The following PRICKLE3 variants were observed in gnomAD, a reference collection of about 807,000 sequenced individuals.
PRICKLE3 encodes prickle planar cell polarity protein 3.
In PRICKLE3, 17 loss-of-function variants were observed where a neutral mutation model predicts 33.8. The observed-to-expected ratio is 0.50, with a 90% CI of 0.34 to 0.75. The LOEUF (loss-of-function observed/expected upper bound fraction) is 0.75. PRICKLE3 is among the 30% of genes least tolerant of loss of function. The pLI, the probability that PRICKLE3 is intolerant of heterozygous loss-of-function variation, is 0.01. For missense variants in PRICKLE3, 573 were observed against 576.7 expected (o/e 0.99, Z 0.07); for synonymous variants, 211 against 219.6 (o/e 0.96, Z 0.34).
chrX:49,178,054 G>A lies in PRICKLE3; in HGVS notation c.894C>T (p.His298=). 8.6e-7 allele frequency: 1 copy of A among 1,161,638 alleles called. No homozygotes were observed. Among genetic ancestry groups the A allele is most frequent in the Non-Finnish European group, 1.1e-6 (1 of 869,651 alleles). Residue 298 remains histidine, a synonymous_variant, in exon 7 of 9, where the codon CAC becomes CAT. Transcript: ENST00000599218. ...QRYVMRQSRP[H]CCACYEARHA... is the part of the protein sequence containing the mutation. ...GGCGGGCCTCGTAGCAGGCGCAGCAGTGGGGGCGGCTCTGACGCATGACAT... is the reference window on the plus strand; with the variant it reads ...GGCGGGCCTCGTAGCAGGCGCAGCAATGGGGGCGGCTCTGACGCATGACAT...
In PRICKLE3 at chrX:49,175,664, G is replaced by A. The variant is rs782043288; in HGVS notation, c.*9C>T. On this transcript the variant is annotated 3_prime_UTR_variant, in exon 9 of 9. Coordinates refer to ENST00000599218, the MANE Select transcript of PRICKLE3 (RefSeq NM_006150.5). ...TGGAGAATGGAGCCCCCTCCAGGAC[G>A]GCCTGCCTTCAAGCCACGATGCAGT... is the stretch of plus-strand genomic sequence containing the variant. 14 of 1,198,327 alleles carry A rather than the reference G, an allele frequency of 1.2e-5. No individual in the cohort carries two copies. The South Asian group carries it at 1.8e-4, about 15-fold the overall frequency.
intron 1 of PRICKLE3, among the ~76,000 whole-genome samples, chrX:49,185,754 A>G (rs1273129209): frequency 2.7e-5 from 3 of 109,925 alleles, no homozygotes; most frequent in Non-Finnish European, 1.9e-5. Flanking sequence ...TACAAAAATT[A>G]GGCGGGCGCG....
chrX:49,186,355 G>C lies in PRICKLE3; in HGVS notation c.-58C>G. ...TCAGGCGAATGTAATCCTTGCGACC[G>C]TCAGGCCACCGCGCGTCCGGCCTGG... On this transcript the variant is annotated 5_prime_UTR_variant, in exon 1 of 9. Coordinates refer to ENST00000599218, the MANE Select transcript of PRICKLE3 (RefSeq NM_006150.5). 1 of 1,040,515 alleles carries C rather than the reference G, an allele frequency of 9.6e-7. No homozygotes were observed. The highest frequency in any genetic ancestry group is 1.3e-6 in the Non-Finnish European group (1 of 793,657). 85.8% of individuals were successfully genotyped at this position (1,040,515 alleles called of 1,213,427 possible). A position where few individuals can be genotyped will look rare whatever the true frequency, so the allele number is the denominator to read the frequency against.
chrX:49,184,897 G>C (rs782434393), intron 1 of PRICKLE3, 187 bp from the exon 2 acceptor site: 3 of 1,129,287 alleles, frequency 2.7e-6, no homozygotes, highest in Non-Finnish European at 3.5e-6. Flanking sequence ...GGCAGAGGCG[G>C]GGCAGTTGGA....
intron 5 of PRICKLE3, 85 bp from the exon 6 acceptor site, chrX:49,178,560 T>C: frequency 1.0e-6 from 1 of 968,274 alleles, no homozygotes; most frequent in East Asian, 3.2e-5. Context: ...TATGTTACAC[T>C]TGGGCCTTTC....
chrX:49,181,701 C>T (rs1220785395), intron 3 of PRICKLE3, among the ~76,000 whole-genome samples: 1 of 101,252 alleles, frequency 9.9e-6, no homozygotes, highest in Non-Finnish European at 2.0e-5. Flanking sequence ...GGCTGCAGTG[C>T]AATGGCATGA....
rs781974178 is a variant in PRICKLE3 at position 49,179,403 on chromosome X, C to T, written c.427-15G>A. 1 of 1,205,278 alleles carries T rather than the reference C, an allele frequency of 8.3e-7. No individual in the cohort carries two copies. The highest frequency in any genetic ancestry group is 1.8e-5 in the South Asian group (1 of 56,157). On this transcript the variant is annotated splice_polypyrimidine_tract_variant and intron_variant, in intron 4 of 8. Transcript: ENST00000599218. The stretch of plus-strand genomic sequence containing the variant: ...CAGTACTGTGCCTGGGAGGAGAAGG[C>T]ATCTCCCAGGCTCCTCCCTTGATGC...
chrX:49,181,950 ATTT>A (rs781960710), intron 3 of PRICKLE3, among the ~76,000 whole-genome samples: 1 of 94,153 alleles, frequency 1.1e-5, no homozygotes. Context: ...CACCCAGCCT[ATTT>A]TTTTTTTTTT....
At chrX:49,179,958 C>T (rs1557100779) in intron 3 of PRICKLE3, 152 bp from the exon 4 acceptor site, 4 of 395,036 alleles carry the variant, frequency 1.0e-5, no homozygotes, top group Non-Finnish European at 1.7e-5. Context: ...GGATCATTTC[C>T]CTCAGCTCCC....
At chrX:49,179,901 G>T in intron 3 of PRICKLE3, 95 bp from the exon 4 acceptor site, 1 of 473,159 alleles carries the variant, frequency 2.1e-6, no homozygotes, top group Non-Finnish European at 3.6e-6. Flanking sequence ...AAAATGAAAG[G>T]CATTAGGAGG....
chrX:49,184,907 A>G, intron 1 of PRICKLE3, 197 bp from the exon 2 acceptor site: 1 of 1,120,224 alleles, frequency 8.9e-7, no homozygotes, highest in Non-Finnish European at 1.2e-6. Flanking sequence ...GGGCAGTTGG[A>G]GCCACCTCCT....
In PRICKLE3 at chrX:49,176,752, G is replaced by A. The variant is rs893445848; in HGVS notation, c.1255+151C>T. 7.3e-6 allele frequency: 4 copies of A among 550,185 alleles called. No homozygotes were observed. The Admixed American group carries it at 2.0e-4, about 27-fold the overall frequency. 45.3% of individuals were successfully genotyped at this position (550,185 alleles called of 1,213,427 possible). ...GAAACCAGGCCTGGACTGGTGTGGGGAAGGAGGATGAGCTGAGAAATGGGC... is the reference window on the plus strand; with the variant it reads ...GAAACCAGGCCTGGACTGGTGTGGGAAAGGAGGATGAGCTGAGAAATGGGC... On this transcript the variant is annotated intron_variant, in intron 8 of 8. Transcript: ENST00000599218.
Position 49,184,868 on chromosome X carries a change from G to A in PRICKLE3, c.43-158C>T, listed in dbSNP as rs1369089419. On this transcript the variant is annotated intron_variant, in intron 1 of 8. Transcript: ENST00000599218. Reference sequence around the variant, plus strand: ...GGCTGGGACAGCGCCCAGAGTGCGGGGGAGCGGGACACAACCGAGGCAGAG... The same window carrying A: ...GGCTGGGACAGCGCCCAGAGTGCGGAGGAGCGGGACACAACCGAGGCAGAG... The A allele has an allele frequency of 6.9e-6, 8 of 1,155,036 alleles. No individual in the cohort carries two copies. In the African/African-American group the frequency reaches 1.3e-4, roughly 18 times the overall value.
At position 49,186,302 on chromosome X, in the gene PRICKLE3, C is replaced by T. The variant is rs781963174; in HGVS notation, c.-5G>A. ...CCGGGACCCACGCGCGAACATGGCG[C>T]GCCCGGGCAGGGTCAAGCCGGGCCG... is the stretch of plus-strand genomic sequence containing the variant. On this transcript the variant is annotated 5_prime_UTR_variant, in exon 1 of 9. Coordinates refer to ENST00000599218, the MANE Select transcript of PRICKLE3 (RefSeq NM_006150.5). 1.1e-3 allele frequency: 1,208 copies of T among 1,144,093 alleles called. 3 individuals carry two copies. The highest frequency in any genetic ancestry group is 1.2e-3 in the Non-Finnish European group (1,014 of 862,625). The allele number at this position is 1,144,093 out of a possible 1,213,427, so 94.3% of individuals were successfully genotyped here. A position where few individuals can be genotyped will look rare whatever the true frequency, so the allele number is the denominator to read the frequency against.
intron 3 of PRICKLE3, 161 bp from the exon 4 acceptor site, chrX:49,179,967 C>T (rs1239700019): frequency 1.0e-5 from 4 of 389,371 alleles, no homozygotes; most frequent in East Asian, 8.6e-5. Flanking sequence ...CCCTCAGCTC[C>T]CAGCTCCCAA....
intron 3 of PRICKLE3, among the ~76,000 whole-genome samples, chrX:49,181,587 G>GTATATATATATACGTATATGTA (rs2065454932): frequency 1.5e-3 from 3 of 1,997 alleles, no homozygotes; most frequent in African/African-American, 4.4e-3. Flanking sequence ...ATATATATAC[G>GTATATATATATACGTATATGTA]CGTGTATCTA....
In PRICKLE3 at chrX:49,179,190, C is replaced by T. The variant is rs12006986; in HGVS notation, c.564+61G>A. 1.7e-3 allele frequency: 1,984 copies of T among 1,163,386 alleles called. 24 individuals carry two copies. The African/African-American group carries it at 0.03, about 18-fold the overall frequency. The stretch of plus-strand genomic sequence containing the variant: ...TCTTCCCAGTGCTTGGAAGATGTGT[C>T]CTGCTCCCCAGGGCTTGGAGCAGAG... On this transcript the variant is annotated intron_variant, in intron 5 of 8. Transcript: ENST00000599218.
chrX:49,184,517 T>G, intron 2 of PRICKLE3, 108 bp downstream of exon 2: 2 of 715,592 alleles, frequency 2.8e-6, no homozygotes, highest in Non-Finnish European at 2.0e-6. Context: ...CCAACTGAGA[T>G]CCCTCTGTAG....
At chrX:49,178,776 G>C (rs1557100562) in intron 5 of PRICKLE3, among the ~76,000 whole-genome samples, 2 of 111,900 alleles carry the variant, frequency 1.8e-5, no homozygotes, top group Non-Finnish European at 3.8e-5. Flanking sequence ...CAGGCCTAGT[G>C]GGGGAAACCA....
Sources: allele counts gnomAD v4.1 joint callset (sites outside exome capture counted in the v4.1 genomes callset), GRCh38; gene constraint gnomAD v4.1.1; transcripts MANE v1.5; gene names NCBI Gene and HGNC (gene_info 2026-07-23, HGNC 2026-07-21).